ROBO1: variants seen among roughly 807,000 people sequenced by gnomAD.
The protein encoded by ROBO1 is roundabout guidance receptor 1.
Under a neutral mutation model 195.9 loss-of-function variants are expected in ROBO1, and 149 were observed. That is an observed-to-expected ratio of 0.76 (90% confidence interval 0.67 to 0.87). The LOEUF (loss-of-function observed/expected upper bound fraction) is 0.87. Among genes scored for constraint, ROBO1 ranks in the 40% least tolerant of loss-of-function variants. The probability of loss-of-function intolerance (pLI) is 0.00; values close to 1 mark genes in which losing one functional copy is unlikely to be tolerated. For synonymous variants in ROBO1, 816 were observed against 733.2 expected, an observed-to-expected ratio of 1.11 and a Z score of -1.82; for missense variants, 1,933 against 2,068.3, an observed-to-expected ratio of 0.93 and a Z score of 1.27.
chr3:78,970,429 T>C (rs977879137), intron 3 of ROBO1, among the ~76,000 whole-genome samples: 8 of 152,154 alleles, frequency 5.3e-5, no homozygotes, highest in Non-Finnish European at 1.2e-4. Context: ...ATCACAGGCG[T>C]CCAACCTTCA....
chr3:79,134,796 C>A (rs2080367428), intron 2 of ROBO1, among the ~76,000 whole-genome samples: 1 of 90,158 alleles, frequency 1.1e-5, no homozygotes, highest in East Asian at 3.4e-4. Flanking sequence ...GAACAAAAAA[C>A]CAAACACCGC....
rs778516754 is a variant in ROBO1, at chr3:78,627,296, G to A, written c.3875+25C>T. 1.9e-6 allele frequency: 3 copies of A among 1,600,436 alleles called. No individual in the cohort carries two copies. The South Asian group carries it at 3.4e-5, about 18-fold the overall frequency. ...GGAGTAGAAATTATCTGATTTGTTA[G>A]CAAAGAAGGCTAGTGACAACATACC... On this transcript the variant is annotated intron_variant, in intron 26 of 30. Coordinates refer to ENST00000464233, the MANE Select transcript of ROBO1 (RefSeq NM_002941.4).
chr3:79,202,479 A>G (rs1235996537), intron 2 of ROBO1, among the ~76,000 whole-genome samples: 1 of 152,034 alleles, frequency 6.6e-6, no homozygotes, highest in East Asian at 1.9e-4. Context: ...TCCACAATTC[A>G]TCAGCGATCG....
At chr3:78,742,325 G>C (rs2082552586) in intron 5 of ROBO1, among the ~76,000 whole-genome samples, 1 of 152,108 alleles carries the variant, frequency 6.6e-6, no homozygotes, top group East Asian at 1.9e-4. Context: ...TGAATACAAA[G>C]CTTAGGAAAG....
chr3:79,645,476 C>A (rs530245916), intron 1 of ROBO1, among the ~76,000 whole-genome samples: 1 of 151,660 alleles, frequency 6.6e-6, no homozygotes, highest in Non-Finnish European at 1.5e-5. Flanking sequence ...CACTATAGCC[C>A]GGGAGACAAT....
chr3:79,310,776 T>TAA (rs144150351), intron 2 of ROBO1, among the ~76,000 whole-genome samples: 2 of 152,026 alleles, frequency 1.3e-5, no homozygotes, highest in Non-Finnish European at 2.9e-5. Context: ...GTTTTTAAAA[T>TAA]AAAAAAATTA....
rs564572654 is a variant in ROBO1, at chr3:79,452,804, A to T, written c.88+137020T>A. On this transcript the variant is annotated intron_variant, in intron 2 of 30. Coordinates refer to ENST00000464233, the MANE Select transcript of ROBO1 (RefSeq NM_002941.4). ...ATTTTTCCTCCCATATTTTCTCCAG[A>T]CATATATCCAGCATATGTTTCTCTA... 3.3e-4 allele frequency among the ~76,000 whole-genome samples: 50 copies of T among 152,036 alleles called. No individual in the cohort carries two copies. The South Asian group carries it at 9.9e-3, about 30-fold the overall frequency.
chr3:78,690,105 T>C (rs1169888452), intron 8 of ROBO1, among the ~76,000 whole-genome samples: 1 of 149,808 alleles, frequency 6.7e-6, no homozygotes, highest in East Asian at 1.9e-4. Flanking sequence ...TTATAGGCCA[T>C]AAAGAAATAT....
intron 2 of ROBO1, among the ~76,000 whole-genome samples, chr3:79,148,447 T>A (rs535406951): frequency 4.0e-5 from 6 of 151,788 alleles, no homozygotes; most frequent in Non-Finnish European, 7.4e-5. Flanking sequence ...TCTTAAAAAA[T>A]TTTAAATGAA....
At chr3:78,605,067 C>T (rs1417349954) in intron 29 of ROBO1, among the ~76,000 whole-genome samples, 2 of 152,178 alleles carry the variant, frequency 1.3e-5, no homozygotes, top group Admixed American at 6.6e-5. Context: ...AATTTCCATT[C>T]ACTTTCCAAC....
intron 4 of ROBO1, among the ~76,000 whole-genome samples, chr3:78,889,525 A>C (rs529882005): frequency 2.0e-5 from 3 of 152,324 alleles, no homozygotes; most frequent in Admixed American, 2.0e-4. Flanking sequence ...ATTGATGCAC[A>C]CATGATGTTT....
intron 10 of ROBO1, among the ~76,000 whole-genome samples, chr3:78,675,731 C>T (rs2107753203): frequency 6.6e-6 from 1 of 152,256 alleles, no homozygotes; most frequent in African/African-American, 2.4e-5. Flanking sequence ...CTGTAGGCTC[C>T]ACCTCTGGGG....
At chr3:79,666,479 C>T (rs555103111) in intron 1 of ROBO1, among the ~76,000 whole-genome samples, 1 of 151,990 alleles carries the variant, frequency 6.6e-6, no homozygotes. Flanking sequence ...TGAATTGTAG[C>T]TCCCATAATT....
At chr3:78,873,935 T>A (rs2035691917) in intron 4 of ROBO1, among the ~76,000 whole-genome samples, 1 of 152,054 alleles carries the variant, frequency 6.6e-6, no homozygotes, top group African/African-American at 2.4e-5. Flanking sequence ...AAGCAACTTG[T>A]CTAAATTTGG....
intron 2 of ROBO1, among the ~76,000 whole-genome samples, chr3:79,152,504 A>G (rs1439172410): frequency 6.6e-6 from 1 of 151,848 alleles, no homozygotes; most frequent in African/African-American, 2.4e-5. Flanking sequence ...CTGTTCAAAG[A>G]AGGAAAATAA....
At chr3:79,482,113 G>T (rs928848295) in intron 2 of ROBO1, among the ~76,000 whole-genome samples, 5 of 151,822 alleles carry the variant, frequency 3.3e-5, no homozygotes, top group African/African-American at 1.2e-4. Flanking sequence ...TACTTTGTAA[G>T]GACACTGCCA....
chr3:78,854,133 A>G (rs2034250433), intron 4 of ROBO1, among the ~76,000 whole-genome samples: 1 of 151,030 alleles, frequency 6.6e-6, no homozygotes, highest in Non-Finnish European at 1.5e-5. Context: ...GGCAATATCC[A>G]CTCTTCCCTG....
At chr3:79,118,234 GGT>G (rs1559673174) in intron 3 of ROBO1, among the ~76,000 whole-genome samples, 5 of 136,974 alleles carry the variant, frequency 3.7e-5, no homozygotes, top group Admixed American at 1.5e-4. Flanking sequence ...TAATTGTGTG[GGT>G]TTTTTTTTTT....
chr3:78,958,203 G>A (rs978286385), intron 3 of ROBO1, among the ~76,000 whole-genome samples: 3 of 152,170 alleles, frequency 2.0e-5, no homozygotes, highest in Non-Finnish European at 2.9e-5. Flanking sequence ...TTCAAAATAT[G>A]GATAACTGTT....
Sources: gnomAD v4.1 joint callset for allele counts (sites outside exome capture counted in the v4.1 genomes callset) on GRCh38, gnomAD v4.1.1 for gene constraint, MANE v1.5 for transcripts, NCBI Gene and HGNC (gene_info 2026-07-23, HGNC 2026-07-21) for gene names.